The following MCTP1 variants were observed in gnomAD, a reference collection of about 807,000 sequenced individuals.
MCTP1 encodes multiple C2 and transmembrane domain-containing protein 1.
Under a neutral mutation model 120.6 loss-of-function variants are expected in MCTP1, and 69 were observed. The observed-to-expected ratio is 0.57, with a 90% CI of 0.47 to 0.70. The LOEUF is 0.70. Ranked by LOEUF, MCTP1 falls within the 30% of genes least tolerant of loss-of-function variation. MCTP1 has a pLI of 0.00. For synonymous variants in MCTP1, 529 were observed against 493.1 expected, an observed-to-expected ratio of 1.07 and a Z score of -0.96; for missense variants, 1,203 against 1,248.8, an observed-to-expected ratio of 0.96 and a Z score of 0.55.
chr5:95,067,959 C>T (rs555627177), intron 1 of MCTP1, among the ~76,000 whole-genome samples: 1 of 152,324 alleles, frequency 6.6e-6, no homozygotes, highest in East Asian at 1.9e-4. Context: ...CTGGCACCCT[C>T]CTCTCAGTCT....
chr5:95,246,440 A>C (rs1342095783), intron 1 of MCTP1, among the ~76,000 whole-genome samples: 1 of 152,168 alleles, frequency 6.6e-6, no homozygotes, highest in Non-Finnish European at 1.5e-5. Context: ...ATAGGCTCAA[A>C]ATAAAGGGAT....
intron 18 of MCTP1, among the ~76,000 whole-genome samples, chr5:94,790,487 A>AGCTGTGG (rs1232936737): frequency 6.6e-6 from 1 of 152,242 alleles, no homozygotes; most frequent in East Asian, 1.9e-4. Flanking sequence ...CATGGTCAGC[A>AGCTGTGG]GCTGTGGGGT....
intron 1 of MCTP1, among the ~76,000 whole-genome samples, chr5:95,124,414 AG>A (rs1467746860): frequency 1.3e-5 from 2 of 152,260 alleles, no homozygotes; most frequent in African/African-American, 4.8e-5. Context: ...TGGCTCAAAA[AG>A]TATATGGATT....
At chr5:95,016,193 G>A (rs1413874247) in intron 2 of MCTP1, among the ~76,000 whole-genome samples, 10 of 151,628 alleles carry the variant, frequency 6.6e-5, no homozygotes, top group Non-Finnish European at 1.5e-4. Flanking sequence ...TTTTTTTAAT[G>A]TTTTGTAGAG....
chr5:94,807,054 A>G (rs1489036530), intron 17 of MCTP1, among the ~76,000 whole-genome samples: 1 of 151,974 alleles, frequency 6.6e-6, no homozygotes, highest in Non-Finnish European at 1.5e-5. Flanking sequence ...CCCAATCTTC[A>G]CCCCTTAATG....
intron 9 of MCTP1, among the ~76,000 whole-genome samples, chr5:94,910,349 T>C (rs1326189759): frequency 6.6e-6 from 1 of 152,026 alleles, no homozygotes; most frequent in Non-Finnish European, 1.5e-5. Flanking sequence ...TATGGTAGAA[T>C]CAATGAGCAA....
chr5:94,942,042 T>C (rs1817858079), intron 4 of MCTP1, among the ~76,000 whole-genome samples: 1 of 152,134 alleles, frequency 6.6e-6, no homozygotes, highest in African/African-American at 2.4e-5. Context: ...TAAAACCATA[T>C]GGGCAATATG....
chr5:95,214,970 A>T (rs1178889), intron 1 of MCTP1, among the ~76,000 whole-genome samples: 22,282 of 152,042 alleles, frequency 0.15, 1,641 homozygotes, highest in Middle Eastern at 0.22. Context: ...CATATGTAAC[A>T]AACCTGCACG....
intron 2 of MCTP1, among the ~76,000 whole-genome samples, chr5:95,009,708 T>C (rs1453060079): frequency 6.6e-6 from 1 of 152,162 alleles, no homozygotes; most frequent in Non-Finnish European, 1.5e-5. Context: ...TTGTGTATCT[T>C]ACTCAAAGTC....
intron 1 of MCTP1, among the ~76,000 whole-genome samples, chr5:95,259,510 C>A (rs1430776287): frequency 6.6e-6 from 1 of 152,316 alleles, no homozygotes; most frequent in East Asian, 1.9e-4. Context: ...ACTGTCAACA[C>A]ATACTCGAAA....
intron 1 of MCTP1, among the ~76,000 whole-genome samples, chr5:95,262,031 G>A (rs549956887): frequency 5.9e-5 from 9 of 152,324 alleles, no homozygotes; most frequent in African/African-American, 1.9e-4. Flanking sequence ...TACTTTGGGA[G>A]AGGCTGTGTC....
At chr5:95,196,376 G>A (rs1427188017) in intron 1 of MCTP1, among the ~76,000 whole-genome samples, 2 of 152,158 alleles carry the variant, frequency 1.3e-5, no homozygotes, top group Admixed American at 1.3e-4. Context: ...AAAGGAAACT[G>A]AGGCCTATGT....
chr5:95,232,489 C>G (rs1755077491), intron 1 of MCTP1, among the ~76,000 whole-genome samples: 1 of 147,508 alleles, frequency 6.8e-6, no homozygotes, highest in African/African-American at 2.5e-5. Flanking sequence ...GACGGAGTCT[C>G]CCTCTGTCGC....
intron 1 of MCTP1, among the ~76,000 whole-genome samples, chr5:95,029,635 C>CT (rs72545439): frequency 3.8e-5 from 2 of 52,684 alleles, no homozygotes; most frequent in Non-Finnish European, 1.7e-4. Flanking sequence ...GAGCACTTCT[C>CT]TCTCCTCTCA....
chr5:94,744,615 C>T (rs753457356), intron 19 of MCTP1, among the ~76,000 whole-genome samples: 5 of 152,078 alleles, frequency 3.3e-5, no homozygotes, highest in South Asian at 2.1e-4. Context: ...GGGATTCTCA[C>T]GCCTCAGCCT....
intron 2 of MCTP1, among the ~76,000 whole-genome samples, chr5:94,969,944 A>G (rs569557839): frequency 6.6e-6 from 1 of 152,220 alleles, no homozygotes; most frequent in East Asian, 1.9e-4. Flanking sequence ...ATAATGCTAA[A>G]TAACTAAATA....
intron 1 of MCTP1, among the ~76,000 whole-genome samples, chr5:95,085,898 T>C (rs1159186374): frequency 6.6e-6 from 1 of 152,124 alleles, no homozygotes; most frequent in East Asian, 1.9e-4. Flanking sequence ...GGCCTTTTTT[T>C]CTATTGTGTT....
At chr5:95,273,858 T>C (rs1759599932) in intron 1 of MCTP1, among the ~76,000 whole-genome samples, 2 of 152,068 alleles carry the variant, frequency 1.3e-5, no homozygotes, top group South Asian at 4.1e-4. Flanking sequence ...AAGGGGAAAA[T>C]ACGCTGTGAT....
chr5:94,979,232 A>G (rs1455813370), intron 2 of MCTP1: 1 of 152,058 alleles, frequency 6.6e-6, no homozygotes, highest in Non-Finnish European at 1.5e-5. Context: ...GGATTTCAGA[A>G]TTTATACTGA....
Sources: gnomAD v4.1 joint callset for allele counts (sites outside exome capture counted in the v4.1 genomes callset) on GRCh38, gnomAD v4.1.1 for gene constraint, MANE v1.5 for transcripts, NCBI Gene and HGNC (gene_info 2026-07-23, HGNC 2026-07-21) for gene names.